Variants in BRD4 observed in about 807,000 individuals in gnomAD.
BRD4 encodes the protein bromodomain-containing protein 4.
Under a neutral mutation model 142.1 loss-of-function variants are expected in BRD4, and 16 were observed. That is an observed-to-expected ratio of 0.11 (90% CI 0.08 to 0.17). The LOEUF is 0.17. Ranked by LOEUF, BRD4 falls within the 10% of genes least tolerant of loss-of-function variation. BRD4 has a pLI of 1.00. For missense variants in BRD4, 1,424 were observed against 1,810.9 expected (o/e 0.79, Z 3.88); for synonymous variants, 833 against 707.5 (o/e 1.18, Z -2.82).
At chr19:15,316,773 G>A (rs1436705427) in intron 1 of BRD4, among the ~76,000 whole-genome samples, 2 of 152,204 alleles carry the variant, frequency 1.3e-5, no homozygotes, top group Non-Finnish European at 2.9e-5. Context: ...AAGGAGACCT[G>A]TCCAGTCAGC....
At position 15,262,719 on chromosome 19, in the gene BRD4, T is replaced by A. The variant is rs116987657; in HGVS notation, c.1341+701A>T. The stretch of plus-strand genomic sequence containing the variant: ...GCCTGGGTGACAGAACGAGACCCTG[T>A]CTCCAATAATTAAAACAAAAAAAAT... On this transcript the variant is annotated intron_variant, in intron 7 of 19. Transcript: ENST00000679869. Among the ~76,000 whole-genome samples, 327 of 151,946 alleles carry A rather than the reference T, an allele frequency of 2.2e-3. 15 individuals carry two copies. The East Asian group carries it at 0.054, about 25-fold the overall frequency.
intron 1 of BRD4, among the ~76,000 whole-genome samples, chr19:15,327,356 T>C (rs1239420918): frequency 1.3e-5 from 2 of 152,140 alleles, no homozygotes; most frequent in African/African-American, 2.4e-5. Context: ...CAGGCCAACA[T>C]GGTGAAACCC....
Position 15,265,608 on chromosome 19 carries a change from T to C in BRD4, c.595A>G (p.Thr199Ala), listed in dbSNP as rs2047525788. Residue 199 changes from threonine to alanine, a missense_variant, in exon 5 of 20, where the codon ACA (threonine) becomes GCA (alanine). This residue lies in a region of BRD4 where 140 missense variants were observed against 131.7 expected (regional missense o/e 1.06). Transcript: ENST00000679869. Reference protein sequence around the residue: ...AKPGVSTVPNTTQASTPPQTQ... With the variant: ...AKPGVSTVPNATQASTPPQTQ... The stretch of plus-strand genomic sequence containing the variant: ...TGCGGAGGAGTCGATGCTTGAGTTG[T>C]GTTTGGTACCGTGGAAACGCCAGGT... 1.9e-6 allele frequency: 3 copies of C among 1,614,126 alleles called. No homozygotes were observed. The highest frequency in any genetic ancestry group is 2.5e-6 in the Non-Finnish European group (3 of 1,180,024).
intron 1 of BRD4, among the ~76,000 whole-genome samples, chr19:15,278,923 C>CA (rs1208796898): frequency 6.6e-6 from 1 of 151,974 alleles, no homozygotes; most frequent in Non-Finnish European, 1.5e-5. Context: ...CTCACTGTAA[C>CA]CTCCGCCTCC....
At chr19:15,312,456 C>T (rs906733360) in intron 1 of BRD4, among the ~76,000 whole-genome samples, 6 of 151,978 alleles carry the variant, frequency 3.9e-5, no homozygotes, top group Non-Finnish European at 7.4e-5. Flanking sequence ...CATGGTGAAA[C>T]CCCGTCTCTA....
intron 1 of BRD4, among the ~76,000 whole-genome samples, chr19:15,301,139 ACT>A (rs1332698776): frequency 3.9e-5 from 6 of 152,208 alleles, no homozygotes; most frequent in Admixed American, 6.5e-5. Context: ...TAGTCAGATG[ACT>A]CTAATAAACT....
intron 1 of BRD4, among the ~76,000 whole-genome samples, chr19:15,327,926 G>GGGA (rs2048123545): frequency 8.4e-6 from 1 of 119,538 alleles, no homozygotes; most frequent in Non-Finnish European, 1.8e-5. Context: ...TTTGGGGGGG[G>GGGA]GGGGTGGAAA....
chr19:15,331,557 C>A (rs986404905), intron 1 of BRD4, among the ~76,000 whole-genome samples: 1 of 152,182 alleles, frequency 6.6e-6, no homozygotes, highest in Non-Finnish European at 1.5e-5. Flanking sequence ...GCCTCCAGGG[C>A]ACCGCTCCCG....
chr19:15,299,268 T>C (rs1169706048), intron 1 of BRD4, among the ~76,000 whole-genome samples: 2 of 152,176 alleles, frequency 1.3e-5, no homozygotes, highest in Non-Finnish European at 2.9e-5. Flanking sequence ...CCTGCCATTT[T>C]AAAAAGAATT....
intron 1 of BRD4, among the ~76,000 whole-genome samples, chr19:15,321,065 C>A (rs910521121): frequency 8.5e-5 from 13 of 152,094 alleles, no homozygotes; most frequent in African/African-American, 2.7e-4. Context: ...GAAACCCTGC[C>A]CCTACTAAAA....
At chr19:15,294,747 T>C (rs2047809669) in intron 1 of BRD4, among the ~76,000 whole-genome samples, 1 of 152,120 alleles carries the variant, frequency 6.6e-6, no homozygotes, top group Non-Finnish European at 1.5e-5. Context: ...ACAGAATCGC[T>C]ATCTCCTCAG....
At chr19:15,269,894 T>C (rs1033968546) in intron 2 of BRD4, among the ~76,000 whole-genome samples, 2 of 152,208 alleles carry the variant, frequency 1.3e-5, no homozygotes, top group Admixed American at 1.3e-4. Flanking sequence ...AGTTCATTTT[T>C]AAAAACAACC....
intron 11 of BRD4, among the ~76,000 whole-genome samples, chr19:15,251,380 G>C (rs1003692911): frequency 8.9e-5 from 11 of 123,194 alleles, no homozygotes; most frequent in African/African-American, 3.1e-4. Context: ...CGTAGTATAA[G>C]TGACAAAAAT....
chr19:15,309,025 C>G (rs1243943120), intron 1 of BRD4, among the ~76,000 whole-genome samples: 3 of 143,678 alleles, frequency 2.1e-5, no homozygotes, highest in Non-Finnish European at 4.6e-5. Context: ...AACAAACAAA[C>G]AAACAAACAA....
intron 1 of BRD4, among the ~76,000 whole-genome samples, chr19:15,309,679 C>T (rs2047949500): frequency 2.0e-5 from 3 of 152,100 alleles, no homozygotes; most frequent in African/African-American, 4.8e-5. Context: ...AACTGATGAA[C>T]GGATAGTGTC....
chr19:15,316,405 C>A lies in BRD4; in HGVS notation c.-35+15885G>T, dbSNP rs533047299. Among the ~76,000 whole-genome samples the A allele has an allele frequency of 2.6e-5, 4 of 151,972 alleles. No homozygotes were observed. The South Asian group carries it at 6.3e-4, about 24-fold the overall frequency. Reference sequence around the variant, plus strand: ...AGGAGTTCGAGACCAGCCTGGCCAACGTGGTGAAACCCTGTCTCTAATAAA... The same window carrying A: ...AGGAGTTCGAGACCAGCCTGGCCAAAGTGGTGAAACCCTGTCTCTAATAAA... On this transcript the variant is annotated intron_variant, in intron 1 of 19. Coordinates refer to ENST00000679869, the MANE Select transcript of BRD4 (RefSeq NM_001379291.1).
chr19:15,301,646 G>A (rs1219556325), intron 1 of BRD4, among the ~76,000 whole-genome samples: 1 of 151,656 alleles, frequency 6.6e-6, no homozygotes, highest in Admixed American at 6.6e-5. Flanking sequence ...CAGATCACGA[G>A]GTCAGGAGAT....
intron 7 of BRD4, 93 bp from the exon 8 acceptor site, chr19:15,257,266 C>T: frequency 8.1e-7 from 1 of 1,235,162 alleles, no homozygotes; most frequent in Non-Finnish European, 1.1e-6. Flanking sequence ...GCCAACTCAA[C>T]AGAAAGCAAC....
chr19:15,298,075 T>G (rs956391229), intron 1 of BRD4, among the ~76,000 whole-genome samples: 1 of 152,202 alleles, frequency 6.6e-6, no homozygotes, highest in Admixed American at 6.5e-5. Flanking sequence ...CCAACAATCC[T>G]GAGAAAAGAT....
Sources: gnomAD v4.1 joint callset for allele counts (sites outside exome capture counted in the v4.1 genomes callset) on GRCh38, gnomAD v4.1.1 for gene constraint, gnomAD v4.1.1 regional missense constraint, MANE v1.5 for transcripts, NCBI Gene and HGNC (gene_info 2026-07-23, HGNC 2026-07-21) for gene names.